OSCP1: variants seen among roughly 807,000 people sequenced by gnomAD.
The protein encoded by OSCP1 is protein OSCP1.
Under a neutral mutation model 45.1 loss-of-function variants are expected in OSCP1, and 35 were observed. The ratio of observed to expected loss-of-function variants is 0.78; its 90% CI spans 0.59 to 1.03. OSCP1 has a LOEUF of 1.03. Ranked by LOEUF, OSCP1 falls within the 50% of genes least tolerant of loss-of-function variation. OSCP1 has a pLI of 0.00. For missense variants in OSCP1, 400 were observed against 470.7 expected, an observed-to-expected ratio of 0.85 and a Z score of 1.39; for synonymous variants, 179 against 180.1, an observed-to-expected ratio of 0.99 and a Z score of 0.05.
chr1:36,426,204 A>G (rs988994956), intron 4 of OSCP1, among the ~76,000 whole-genome samples: 2 of 152,218 alleles, frequency 1.3e-5, no homozygotes, highest in Non-Finnish European at 2.9e-5. Context: ...TGTTAGTTTA[A>G]TCTTATGAGG....
chr1:36,450,408 G>C lies in OSCP1; in HGVS notation c.-39C>G, dbSNP rs565358283. The C allele has an allele frequency of 1.3e-4, 205 of 1,563,510 alleles. 1 individual carries two copies. The East Asian group carries it at 4.2e-3, about 32-fold the overall frequency. ...AGCTGGACTGGTGAAGAGCCCCGGG[G>C]TTCGGTAGCCAGTGGCCTGAAGGCC... On this transcript the variant is annotated 5_prime_UTR_variant, in exon 1 of 10. Transcript: ENST00000235532.
Position 36,432,418 on chromosome 1 carries a change from T to C in OSCP1, c.435+4A>G. The C allele has an allele frequency of 1.2e-6, 2 of 1,613,824 alleles. No individual in the cohort carries two copies. The highest frequency in any genetic ancestry group is 1.7e-6 in the Non-Finnish European group (2 of 1,179,848). ...GAGAGGCGAGACACTGATGGCACTC[T>C]TACTTCTGTCAGCTGCCGCAAAGTC... On this transcript the variant is annotated splice_donor_region_variant and intron_variant, in intron 3 of 9. Coordinates refer to ENST00000235532, the MANE Select transcript of OSCP1 (RefSeq NM_145047.5).
Position 36,418,067 on chromosome 1 carries a change from C to T in OSCP1, c.*72G>A. On this transcript the variant is annotated 3_prime_UTR_variant, in exon 10 of 10. Transcript: ENST00000235532. ...AGAAAACTAGCAGCATCATTCTGGG[C>T]CATGGGGCATTCCCCAGGGGTCACC... The T allele has an allele frequency of 1.6e-6, 2 of 1,227,820 alleles. No individual in the cohort carries two copies. The highest frequency in any genetic ancestry group is 1.2e-6 in the Non-Finnish European group (1 of 844,752). 76.1% of individuals were successfully genotyped at this position (1,227,820 alleles called of 1,614,324 possible).
chr1:36,425,121 C>A (rs982094916), intron 4 of OSCP1, among the ~76,000 whole-genome samples: 1 of 147,418 alleles, frequency 6.8e-6, no homozygotes. Context: ...TGCAGTGAGC[C>A]GAGATCATGC....
intron 2 of OSCP1, among the ~76,000 whole-genome samples, chr1:36,437,947 G>C (rs1461622937): frequency 1.3e-5 from 2 of 152,162 alleles, no homozygotes; most frequent in Non-Finnish European, 2.9e-5. Flanking sequence ...GACTGAGGCA[G>C]GAAGATCACT....
chr1:36,450,301 T>C lies in OSCP1; in HGVS notation c.69A>G (p.Gln23=), dbSNP rs2124067232. 1 of 1,613,216 alleles carries C rather than the reference T, an allele frequency of 6.2e-7. No homozygotes were observed. Among genetic ancestry groups the C allele is most frequent in the Non-Finnish European group, 8.5e-7 (1 of 1,179,792 alleles). The change falls in exon 1 of 10, where the codon CAA becomes CAG. Residue 23 remains glutamine (Q), a synonymous_variant. Coordinates refer to ENST00000235532, the MANE Select transcript of OSCP1 (RefSeq NM_145047.5). ...CCGGGATGTTCTGGGCCCGCAGCCG[T>C]TGGTCGAGGATGTAAAGCATCTCCC... ...LGGEMLYILD[Q]RLRAQNIPGD...
In OSCP1 at chr1:36,450,451, T is replaced by A; in HGVS notation, c.-82A>T. On this transcript the variant is annotated 5_prime_UTR_variant, in exon 1 of 10. Coordinates refer to ENST00000235532, the MANE Select transcript of OSCP1 (RefSeq NM_145047.5). ...TGAAGGCCAGGCCGCAGCGTCCCAA[T>A]AGTCCGGTTGCTGGGGCAACGCCGT... The A allele has an allele frequency of 8.6e-7, 1 of 1,167,868 alleles. No individual in the cohort carries two copies. The allele number at this position is 1,167,868 out of a possible 1,614,324, so 72.3% of individuals were successfully genotyped here. A position where few individuals can be genotyped will look rare whatever the true frequency, so the allele number is the denominator to read the frequency against.
intron 9 of OSCP1, chr1:36,418,683 A>G (rs61771050): frequency 0.32 from 109,778 of 341,560 alleles, 18,703 homozygotes; most frequent in East Asian, 0.53. Context: ...TTGGGAGGCC[A>G]AGGCGGGTGG....
chr1:36,434,322 T>C (rs1374674777), intron 2 of OSCP1, among the ~76,000 whole-genome samples: 1 of 152,202 alleles, frequency 6.6e-6, no homozygotes, highest in African/African-American at 2.4e-5. Context: ...TTGCCTAATT[T>C]CATATTGCTG....
chr1:36,450,288 G>A lies in OSCP1; in HGVS notation c.82C>T (p.Gln28Ter). 2 of 1,613,622 alleles carry A rather than the reference G, an allele frequency of 1.2e-6. No individual in the cohort carries two copies. Among genetic ancestry groups the A allele is most frequent in the South Asian group, 2.2e-5 (2 of 91,068 alleles). ...LYILDQRLRA[Q>*]NIPGDKARKV... is the part of the protein sequence containing the mutation. Reference sequence around the variant, plus strand: ...CGGGCCTTGTCTCCCGGGATGTTCTGGGCCCGCAGCCGTTGGTCGAGGATG... The same window carrying A: ...CGGGCCTTGTCTCCCGGGATGTTCTAGGCCCGCAGCCGTTGGTCGAGGATG... The change falls in exon 1 of 10, where the codon CAG (glutamine) becomes TAG (stop). Residue 28 changes from glutamine to a stop codon, truncating the protein, a stop_gained. Transcript: ENST00000235532. LOFTEE classifies it high-confidence loss of function.
rs1483250807 is a variant in OSCP1 at position 36,420,595 on chromosome 1, AG to A, written c.839del (p.Pro280LeufsTer7). On this transcript the variant is annotated frameshift_variant, in exon 8 of 10. Transcript: ENST00000235532. LOFTEE classifies it high-confidence loss of function. Reference sequence around the variant, plus strand: ...AGAAATTCAGCTCTTCTTTAGCAAGAGGGTTTGGAGCAATGCTTTCCTGCAG... The same window carrying A: ...AGAAATTCAGCTCTTCTTTAGCAAGAGGTTTGGAGCAATGCTTTCCTGCAG... ...SWTQESIAPN[P>X]LAKEELNFLA... 1.2e-6 allele frequency: 2 copies of A among 1,614,070 alleles called. No individual in the cohort carries two copies. The highest frequency in any genetic ancestry group is 1.7e-6 in the Non-Finnish European group (2 of 1,180,004).
At position 36,436,416 on chromosome 1, in the gene OSCP1, A is replaced by C. The variant is rs1315647529; in HGVS notation, c.267+2340T>G. Among the ~76,000 whole-genome samples the C allele has an allele frequency of 2.0e-5, 3 of 151,454 alleles. No homozygotes were observed. The East Asian group carries it at 5.8e-4, about 29-fold the overall frequency. ...TGAGCCACCGCGCCCGGCCCTCTCT[A>C]TTTTTTTAGAGACAGGGTCTTGCTA... On this transcript the variant is annotated intron_variant, in intron 2 of 9. Coordinates refer to ENST00000235532, the MANE Select transcript of OSCP1 (RefSeq NM_145047.5).
At position 36,423,400 on chromosome 1, in the gene OSCP1, G is replaced by T. The variant is rs1375707094; in HGVS notation, c.583C>A (p.Pro195Thr). The T allele has an allele frequency of 3.1e-6, 5 of 1,613,558 alleles. No individual in the cohort carries two copies. The highest frequency in any genetic ancestry group is 3.4e-6 in the Non-Finnish European group (4 of 1,179,650). ...NGRFVLPVSG[P>T]VPWGTEVPGL... ...GGAACTTCAGTTCCCCAAGGAACAG[G>T]CCCGGACACCGGCAACACAAAGCGA... Residue 195 changes from proline (P) to threonine (T), a missense_variant, in exon 5 of 10, where the codon CCT becomes ACT. Pro to Thr is a conservative substitution (Grantham distance 38, BLOSUM62 -1). Coordinates refer to ENST00000235532, the MANE Select transcript of OSCP1 (RefSeq NM_145047.5).
chr1:36,428,565 T>C, intron 4 of OSCP1: 7 of 1,435,820 alleles, frequency 4.9e-6, no homozygotes, highest in South Asian at 4.7e-5. Flanking sequence ...ATTTTTCAGA[T>C]GAAGAAACTA....
intron 1 of OSCP1, among the ~76,000 whole-genome samples, chr1:36,445,333 A>G (rs1276864015): frequency 2.0e-5 from 3 of 152,202 alleles, no homozygotes; most frequent in Non-Finnish European, 4.4e-5. Context: ...GCAACACTCC[A>G]TCTCAAAAAA....
chr1:36,438,768 G>A lies in OSCP1; in HGVS notation c.255C>T (p.Ala85=), dbSNP rs1303168648. 1.2e-6 allele frequency: 2 copies of A among 1,611,206 alleles called. No homozygotes were observed. The highest frequency in any genetic ancestry group is 1.7e-6 in the Non-Finnish European group (2 of 1,178,914). Residue 85 remains alanine, a synonymous_variant, in exon 2 of 10, where the codon GCC becomes GCT. Transcript: ENST00000235532. Reference sequence around the variant, plus strand: ...GCTGTCTGCTCACCTTATCCATGCTGGCCTGGTTCAGTTTCATAATGGAGG... The same window carrying A: ...GCTGTCTGCTCACCTTATCCATGCTAGCCTGGTTCAGTTTCATAATGGAGG... The part of the protein sequence containing the change: ...AHASIMKLNQ[A]SMDKLYDLMT...
chr1:36,432,515 G>A lies in OSCP1; in HGVS notation c.342C>T (p.Val114=). 6.2e-7 allele frequency: 1 copy of A among 1,614,146 alleles called. No individual in the cohort carries two copies. Among genetic ancestry groups the A allele is most frequent in the Non-Finnish European group, 8.5e-7 (1 of 1,180,014 alleles). The part of the protein sequence containing the change: ...LCPRPKDVLL[V]TFNHLDTIKG... ...TGATGGTATCCAAGTGATTGAAAGT[G>A]ACCAGCAGCACATCCTTGGGTCGGG... Residue 114 remains valine (V), a synonymous_variant, in exon 3 of 10, where the codon GTC becomes GTT. Transcript: ENST00000235532.
intron 2 of OSCP1, among the ~76,000 whole-genome samples, chr1:36,437,281 A>T (rs1476215262): frequency 2.6e-5 from 4 of 151,068 alleles, no homozygotes; most frequent in Admixed American, 6.6e-5. Flanking sequence ...TATTATTATT[A>T]TTATTATCAT....
At chr1:36,419,276 TC>T (rs1647471084) in intron 8 of OSCP1, 1 of 542,958 alleles carries the variant, frequency 1.8e-6, no homozygotes, top group African/African-American at 1.9e-5. Flanking sequence ...CAAGAATGTT[TC>T]TTCCCTTCCT....
Sources: gnomAD v4.1 joint callset for allele counts (sites outside exome capture counted in the v4.1 genomes callset) on GRCh38, gnomAD v4.1.1 for gene constraint, MANE v1.5 for transcripts, NCBI Gene and HGNC (gene_info 2026-07-23, HGNC 2026-07-21) for gene names.